MAPK10: variants seen among roughly 807,000 people sequenced by gnomAD.
MAPK10 encodes mitogen-activated protein kinase 10.
Under a neutral mutation model 59.3 loss-of-function variants are expected in MAPK10, and 25 were observed. That is an observed-to-expected ratio of 0.42 (90% CI 0.31 to 0.59). The LOEUF (loss-of-function observed/expected upper bound fraction) is 0.59. Among genes scored for constraint, MAPK10 ranks in the 20% least tolerant of loss-of-function variants. The pLI, the probability that MAPK10 is intolerant of heterozygous loss-of-function variation, is 0.15. For missense variants in MAPK10, 351 were observed against 568.9 expected, an observed-to-expected ratio of 0.62 and a Z score of 3.90; for synonymous variants, 190 against 200.5, an observed-to-expected ratio of 0.95 and a Z score of 0.44.
At chr4:86,104,941 A>G (rs1401385213) in intron 5 of MAPK10, among the ~76,000 whole-genome samples, 3 of 152,104 alleles carry the variant, frequency 2.0e-5, no homozygotes, top group African/African-American at 4.8e-5. Context: ...TATCACAGCT[A>G]TAAAATTTCC....
chr4:86,547,352 A>C (rs1176519757), intron 1 of MAPK10, among the ~76,000 whole-genome samples: 1 of 152,332 alleles, frequency 6.6e-6, no homozygotes, highest in Middle Eastern at 3.4e-3. Context: ...GGACTGCGCG[A>C]GTTCCGGGTG....
intron 1 of MAPK10, among the ~76,000 whole-genome samples, chr4:86,425,516 G>A (rs900774659): frequency 6.6e-6 from 1 of 152,056 alleles, no homozygotes; most frequent in Non-Finnish European, 1.5e-5. Flanking sequence ...GGAGATTTCA[G>A]TTTTTCTAAG....
intron 9 of MAPK10, among the ~76,000 whole-genome samples, chr4:86,093,505 G>A (rs1158402095): frequency 6.6e-6 from 1 of 151,836 alleles, no homozygotes; most frequent in Non-Finnish European, 1.5e-5. Flanking sequence ...AGTTAACTAA[G>A]TCATAAATTT....
chr4:86,240,924 A>G (rs1435700464), intron 2 of MAPK10, among the ~76,000 whole-genome samples: 2 of 152,066 alleles, frequency 1.3e-5, no homozygotes, highest in African/African-American at 4.8e-5. Context: ...CAGTTTCTTC[A>G]TAGTGTCATT....
chr4:86,586,258 C>T (rs560100216), intron 1 of MAPK10, among the ~76,000 whole-genome samples: 3 of 152,270 alleles, frequency 2.0e-5, no homozygotes, highest in South Asian at 2.1e-4. Context: ...CAGGACCAAC[C>T]CTAGTAAAAA....
At chr4:86,479,960 A>G (rs946828893) in intron 1 of MAPK10, among the ~76,000 whole-genome samples, 2 of 152,046 alleles carry the variant, frequency 1.3e-5, no homozygotes, top group African/African-American at 2.4e-5. Context: ...ATCCCTGAGA[A>G]ACATCGCCCA....
intron 4 of MAPK10, among the ~76,000 whole-genome samples, chr4:86,156,755 G>A (rs1426894634): frequency 6.6e-6 from 1 of 151,920 alleles, no homozygotes; most frequent in African/African-American, 2.4e-5. Flanking sequence ...TCCGGAGTTG[G>A]TAACAGAAAA....
At chr4:86,484,554 G>T (rs768046710) in intron 1 of MAPK10, among the ~76,000 whole-genome samples, 10 of 152,098 alleles carry the variant, frequency 6.6e-5, no homozygotes, top group Non-Finnish European at 1.2e-4. Context: ...GGAAAATGGG[G>T]ATAATAAAAT....
chr4:86,135,819 C>G (rs2061939383), intron 4 of MAPK10, among the ~76,000 whole-genome samples: 1 of 152,078 alleles, frequency 6.6e-6, no homozygotes, highest in Non-Finnish European at 1.5e-5. Flanking sequence ...ACTAGAATAA[C>G]TAATACAGAG....
chr4:86,243,323 C>G (rs2092869267), intron 2 of MAPK10, among the ~76,000 whole-genome samples: 1 of 152,174 alleles, frequency 6.6e-6, no homozygotes, highest in African/African-American at 2.4e-5. Context: ...GATACTTAGT[C>G]ATTAATCACA....
chr4:86,027,125 A>G (rs893271598), intron 13 of MAPK10: 14 of 152,204 alleles, frequency 9.2e-5, no homozygotes, highest in African/African-American at 3.4e-4. Flanking sequence ...CATAATGTGT[A>G]GCATACATAT....
chr4:86,303,988 A>G (rs2095516441), intron 2 of MAPK10, among the ~76,000 whole-genome samples: 1 of 152,232 alleles, frequency 6.6e-6, no homozygotes, highest in Non-Finnish European at 1.5e-5. Flanking sequence ...TCTTCTAGAT[A>G]GCACCCAGTG....
chr4:86,444,029 T>A (rs182187719), intron 1 of MAPK10, among the ~76,000 whole-genome samples: 4,354 of 143,030 alleles, frequency 0.03, 85 homozygotes, highest in Middle Eastern at 0.039. Flanking sequence ...ACTGAAAATT[T>A]AAAAAAAAAA....
chr4:86,514,145 T>C (rs1579446528), intron 1 of MAPK10, among the ~76,000 whole-genome samples: 1 of 151,926 alleles, frequency 6.6e-6, no homozygotes, highest in Non-Finnish European at 1.5e-5. Flanking sequence ...ACTAAAAAAA[T>C]AGACTTGGGG....
chr4:86,341,128 C>T (rs1257289726), intron 2 of MAPK10, among the ~76,000 whole-genome samples: 3 of 152,084 alleles, frequency 2.0e-5, no homozygotes, highest in African/African-American at 7.2e-5. Context: ...TTAGCCAAAA[C>T]CCGCAGGAAT....
chr4:86,311,866 G>A (rs944088605), intron 2 of MAPK10, among the ~76,000 whole-genome samples: 3 of 151,990 alleles, frequency 2.0e-5, no homozygotes, highest in Admixed American at 6.6e-5. Context: ...TCAATCCCTC[G>A]ATCAGACTCT....
At chr4:86,524,530 T>C (rs1175046762) in intron 1 of MAPK10, among the ~76,000 whole-genome samples, 1 of 152,178 alleles carries the variant, frequency 6.6e-6, no homozygotes, top group East Asian at 1.9e-4. Context: ...CCTAGTTATC[T>C]CCATTGTCTT....
At chr4:86,339,919 A>C (rs1723883487) in intron 2 of MAPK10, among the ~76,000 whole-genome samples, 1 of 152,228 alleles carries the variant, frequency 6.6e-6, no homozygotes, top group South Asian at 2.1e-4. Flanking sequence ...TAAACCCTGG[A>C]AGGTAGATAT....
chr4:86,202,908 T>C (rs570644098), intron 2 of MAPK10, among the ~76,000 whole-genome samples: 1 of 152,030 alleles, frequency 6.6e-6, no homozygotes, highest in Non-Finnish European at 1.5e-5. Context: ...CTTTAAAAGA[T>C]AAAAAATGTT....
Sources: allele counts gnomAD v4.1 joint callset (sites outside exome capture counted in the v4.1 genomes callset), GRCh38; gene constraint gnomAD v4.1.1; transcripts MANE v1.5; gene names NCBI Gene and HGNC (gene_info 2026-07-23, HGNC 2026-07-21).